Variants in SLC38A4 observed in about 807,000 individuals in gnomAD.
SLC38A4 encodes solute carrier family 38 member 4, also known as sodium-coupled neutral amino acid transporter 4.
A neutral mutation model predicts 63.1 loss-of-function variants in SLC38A4; 20 were observed. That is an observed-to-expected ratio of 0.32 (90% CI 0.22 to 0.46). The LOEUF (loss-of-function observed/expected upper bound fraction) is 0.46, where lower values mean the gene tolerates loss of function less well. SLC38A4 is among the 20% of genes least tolerant of loss of function. The probability of loss-of-function intolerance (pLI) is 1.00; values close to 1 mark genes in which losing one functional copy is unlikely to be tolerated. For synonymous variants in SLC38A4, 230 were observed against 225.5 expected (o/e 1.02, Z -0.18); for missense variants, 526 against 663.6 (o/e 0.79, Z 2.28).
chr12:46,822,422 C>A (rs1316097545), intron 1 of SLC38A4, among the ~76,000 whole-genome samples: 2 of 152,112 alleles, frequency 1.3e-5, no homozygotes, highest in African/African-American at 4.8e-5. Flanking sequence ...GACCCTACCC[C>A]TTCTTATGAC....
chr12:46,818,660 C>A (rs961857910), intron 1 of SLC38A4, among the ~76,000 whole-genome samples: 2 of 151,866 alleles, frequency 1.3e-5, no homozygotes, highest in African/African-American at 4.8e-5. Context: ...ACCACTGTGC[C>A]CCCTCTCCCA....
At chr12:46,816,105 T>C (rs1189857797) in intron 1 of SLC38A4, among the ~76,000 whole-genome samples, 1 of 151,914 alleles carries the variant, frequency 6.6e-6, no homozygotes, top group African/African-American at 2.4e-5. Flanking sequence ...GTTTCTAAGA[T>C]AAAGAAAACT....
At position 46,776,950 on chromosome 12, in the gene SLC38A4, A is replaced by G. The variant is rs750472336; in HGVS notation, c.1128T>C (p.Leu376=). 7.4e-6 allele frequency: 12 copies of G among 1,612,102 alleles called. No individual in the cohort carries two copies. In the East Asian group the frequency reaches 1.3e-4, roughly 18 times the overall value. The change falls in exon 13 of 17, where the codon CTT becomes CTC. Residue 376 remains leucine, a synonymous_variant. Transcript: ENST00000266579. The part of the protein sequence containing the change: ...TVSNISITGM[L]VMYLLAALFG... ...AGAGGGCGGCAAGCAGGTACATGAC[A>G]AGCATCCCCGTGATGGAAATATTTG...
intron 1 of SLC38A4, among the ~76,000 whole-genome samples, chr12:46,819,742 T>A (rs1939504599): frequency 6.6e-6 from 1 of 151,916 alleles, no homozygotes; most frequent in Non-Finnish European, 1.5e-5. Flanking sequence ...TTCTCTGTAC[T>A]TGGGAATGTT....
At chr12:46,802,018 T>C (rs1939140971) in intron 2 of SLC38A4, among the ~76,000 whole-genome samples, 1 of 152,100 alleles carries the variant, frequency 6.6e-6, no homozygotes, top group African/African-American at 2.4e-5. Context: ...AAAGTTAAGA[T>C]AAATAACCAA....
At chr12:46,781,422 A>G (rs1029051075) in intron 7 of SLC38A4, among the ~76,000 whole-genome samples, 16 of 152,070 alleles carry the variant, frequency 1.1e-4, no homozygotes, top group Non-Finnish European at 2.1e-4. Context: ...GTACCATTCA[A>G]TGTTACAGCT....
intron 1 of SLC38A4, among the ~76,000 whole-genome samples, chr12:46,812,230 G>T (rs140030403): frequency 6.6e-6 from 1 of 151,954 alleles, no homozygotes; most frequent in African/African-American, 2.4e-5. Flanking sequence ...TAATCATATT[G>T]ACTTAAATAG....
intron 1 of SLC38A4, among the ~76,000 whole-genome samples, chr12:46,807,520 C>G (rs562778500): frequency 6.6e-6 from 1 of 152,052 alleles, no homozygotes; most frequent in African/African-American, 2.4e-5. Context: ...GATTTGCTGT[C>G]TGCCTTTTCG....
intron 5 of SLC38A4, among the ~76,000 whole-genome samples, chr12:46,787,621 ATG>A (rs1785597909): frequency 6.6e-6 from 1 of 152,188 alleles, no homozygotes; most frequent in African/African-American, 2.4e-5. Flanking sequence ...TTTCCTAAGA[ATG>A]AGATAAAATC....
upstream of SLC38A4, among the ~76,000 whole-genome samples, chr12:46,827,233 C>A (rs910924529): frequency 1.3e-5 from 2 of 152,114 alleles, no homozygotes; most frequent in African/African-American, 4.8e-5. Flanking sequence ...TCTCCTTTTT[C>A]CTTTGTTTTA....
intron 3 of SLC38A4, among the ~76,000 whole-genome samples, chr12:46,790,940 G>T (rs1938872391): frequency 6.8e-6 from 1 of 148,012 alleles, no homozygotes; most frequent in Admixed American, 6.6e-5. Context: ...ACTGCAAAAT[G>T]ATGTCCTATG....
chr12:46,807,504 A>C (rs1939257161), intron 1 of SLC38A4, among the ~76,000 whole-genome samples: 1 of 151,986 alleles, frequency 6.6e-6, no homozygotes. Context: ...ACTTCTCTTT[A>C]ATATGGATTT....
intron 2 of SLC38A4, among the ~76,000 whole-genome samples, chr12:46,799,777 G>C (rs1336952794): frequency 6.6e-6 from 1 of 152,022 alleles, no homozygotes. Context: ...TGAATCATCT[G>C]TCTACAGCAC....
At chr12:46,778,209 G>T in intron 12 of SLC38A4, 80 bp downstream of exon 12, 1 of 1,344,716 alleles carries the variant, frequency 7.4e-7, no homozygotes, top group Non-Finnish European at 1.1e-6. Flanking sequence ...GCTATAAACT[G>T]TGTTTCCTGT....
chr12:46,810,351 G>A (rs1479858189), intron 1 of SLC38A4, among the ~76,000 whole-genome samples: 1 of 151,880 alleles, frequency 6.6e-6, no homozygotes, highest in East Asian at 2.0e-4. Context: ...AGAAGACATG[G>A]GCATAGGGAG....
chr12:46,824,753 G>A (rs1939613542), intron 1 of SLC38A4, among the ~76,000 whole-genome samples: 2 of 152,204 alleles, frequency 1.3e-5, no homozygotes, highest in South Asian at 4.1e-4. Flanking sequence ...GGGGTAGCGA[G>A]GAGCAGGTGG....
At chr12:46,776,827 A>T in intron 13 of SLC38A4, 77 bp downstream of exon 13, 1 of 1,302,864 alleles carries the variant, frequency 7.7e-7, no homozygotes, top group Non-Finnish European at 1.1e-6. Flanking sequence ...GGCAATTTTT[A>T]AAAATCATAC....
intron 2 of SLC38A4, among the ~76,000 whole-genome samples, chr12:46,793,457 GA>G (rs891477327): frequency 3.3e-5 from 5 of 150,678 alleles, no homozygotes; most frequent in African/African-American, 4.9e-5. Context: ...AGTCACTATG[GA>G]AAAAAAAAGA....
intron 7 of SLC38A4, among the ~76,000 whole-genome samples, chr12:46,782,215 A>T (rs1473989910): frequency 6.6e-6 from 1 of 152,046 alleles, no homozygotes; most frequent in East Asian, 1.9e-4. Flanking sequence ...TGATAACTCC[A>T]GTGAATTTAT....
Sources: allele counts gnomAD v4.1 joint callset (sites outside exome capture counted in the v4.1 genomes callset), GRCh38; gene constraint gnomAD v4.1.1; transcripts MANE v1.5; gene names NCBI Gene and HGNC (gene_info 2026-07-23, HGNC 2026-07-21).